KCNMA1: variants seen among roughly 807,000 people sequenced by gnomAD.
KCNMA1 encodes the protein potassium calcium-activated channel subfamily M alpha 1, also known as Calcium-activated potassium channel subunit alpha-1.
KCNMA1 carries 29 observed loss-of-function variants against 140.0 expected under a neutral mutation model. The observed-to-expected ratio is 0.21, with a 90% confidence interval of 0.15 to 0.28. The LOEUF (loss-of-function observed/expected upper bound fraction) is 0.28, where lower values mean the gene tolerates loss of function less well. KCNMA1 is among the 10% of genes least tolerant of loss of function. The pLI is 1.00. For missense variants in KCNMA1, 880 were observed against 1,602.2 expected (o/e 0.55, Z 7.70); for synonymous variants, 612 against 611.9 (o/e 1.00, Z 0.00).
chr10:77,452,554 A>AC (rs1180228248), intron 1 of KCNMA1, among the ~76,000 whole-genome samples: 3 of 152,240 alleles, frequency 2.0e-5, no homozygotes, highest in African/African-American at 7.2e-5. Context: ...GCGCAAAAAA[A>AC]GTCCTTTCAT....
intron 23 of KCNMA1, among the ~76,000 whole-genome samples, chr10:76,934,448 C>T (rs114273376): frequency 7.5e-4 from 115 of 152,332 alleles, no homozygotes; most frequent in African/African-American, 2.6e-3. Context: ...GGCATGTGTG[C>T]TATCTTCACA....
At chr10:77,067,798 T>C (rs1450164710) in intron 14 of KCNMA1, among the ~76,000 whole-genome samples, 1 of 152,208 alleles carries the variant, frequency 6.6e-6, no homozygotes, top group Non-Finnish European at 1.5e-5. Context: ...AATGGAGCTA[T>C]GCAAACATGT....
intron 9 of KCNMA1, 45 bp from the exon 10 acceptor site, chr10:77,090,555 G>A (rs2096788645): frequency 3.9e-6 from 5 of 1,280,472 alleles, no homozygotes; most frequent in Non-Finnish European, 5.7e-6. Context: ...ACCACGACAG[G>A]ACCCTGCATC....
At chr10:77,201,141 G>A (rs2042317852) in intron 3 of KCNMA1, among the ~76,000 whole-genome samples, 1 of 152,186 alleles carries the variant, frequency 6.6e-6, no homozygotes, top group Admixed American at 6.5e-5. Context: ...GAGGAAAGAT[G>A]CCATTTTCAG....
At chr10:77,211,750 A>T (rs2046143944) in intron 3 of KCNMA1, among the ~76,000 whole-genome samples, 1 of 152,210 alleles carries the variant, frequency 6.6e-6, no homozygotes, top group African/African-American at 2.4e-5. Flanking sequence ...ACTTAAAAAA[A>T]TTGACAAGCA....
At chr10:77,110,988 T>C (rs2097307566) in intron 7 of KCNMA1, among the ~76,000 whole-genome samples, 1 of 152,248 alleles carries the variant, frequency 6.6e-6, no homozygotes. Flanking sequence ...CAGCTTGCAC[T>C]GGCACAGCCC....
At chr10:77,465,038 G>A (rs2097959222) in intron 1 of KCNMA1, among the ~76,000 whole-genome samples, 1 of 152,170 alleles carries the variant, frequency 6.6e-6, no homozygotes, top group South Asian at 2.1e-4. Flanking sequence ...AAAAATAGAT[G>A]AGAGACTTAA....
chr10:77,368,135 G>A (rs1334285701), intron 2 of KCNMA1, among the ~76,000 whole-genome samples: 2 of 152,190 alleles, frequency 1.3e-5, no homozygotes, highest in African/African-American at 2.4e-5. Flanking sequence ...TTCCTGAATA[G>A]CAACATTGTT....
intron 1 of KCNMA1, among the ~76,000 whole-genome samples, chr10:77,554,006 A>T (rs866477722): frequency 2.0e-5 from 3 of 151,254 alleles, no homozygotes; most frequent in African/African-American, 7.3e-5. Context: ...AACAGATGAT[A>T]CTGTGGCTAC....
intron 19 of KCNMA1, among the ~76,000 whole-genome samples, chr10:76,986,224 A>G (rs1027970218): frequency 2.6e-5 from 4 of 152,242 alleles, no homozygotes; most frequent in African/African-American, 7.2e-5. Flanking sequence ...AACAACAACA[A>G]CAACAACAAA....
At chr10:77,408,486 G>A (rs745572395) in intron 1 of KCNMA1, among the ~76,000 whole-genome samples, 28 of 151,898 alleles carry the variant, frequency 1.8e-4, no homozygotes, top group Non-Finnish European at 2.9e-4. Flanking sequence ...GAGTGTGTAC[G>A]TGTGTGTGCA....
At chr10:77,322,564 A>G (rs1367795438) in intron 2 of KCNMA1, among the ~76,000 whole-genome samples, 1 of 152,220 alleles carries the variant, frequency 6.6e-6, no homozygotes. Context: ...CTCTGCGAAG[A>G]AAAGAGTGGA....
intron 1 of KCNMA1, among the ~76,000 whole-genome samples, chr10:77,423,522 G>A (rs959218002): frequency 1.3e-5 from 2 of 152,120 alleles, no homozygotes; most frequent in African/African-American, 2.4e-5. Context: ...CCTTAGGAAA[G>A]AGCCAAAAAG....
intron 18 of KCNMA1, among the ~76,000 whole-genome samples, chr10:77,008,404 T>C (rs558469348): frequency 1.1e-4 from 17 of 152,310 alleles, no homozygotes; most frequent in African/African-American, 3.9e-4. Flanking sequence ...AGGTTTGTTA[T>C]ATAGAAAAAG....
intron 2 of KCNMA1, among the ~76,000 whole-genome samples, chr10:77,392,549 C>A (rs1389416513): frequency 6.6e-6 from 1 of 152,252 alleles, no homozygotes; most frequent in Non-Finnish European, 1.5e-5. Context: ...ACCTTCAACA[C>A]TTTGGATGAC....
At position 77,259,506 on chromosome 10, in the gene KCNMA1, A is replaced by G. The variant is rs1271721153; in HGVS notation, c.541-8250T>C. On this transcript the variant is annotated intron_variant, in intron 2 of 27. Coordinates refer to ENST00000286628, the MANE Select transcript of KCNMA1 (RefSeq NM_001161352.2). ...AACTTTTGGTATGAAGAAAAAAAAA[A>G]TCCTTGACAGAGTCCACAAGGCCCT... Among the ~76,000 whole-genome samples, 7 of 152,108 alleles carry G rather than the reference A, an allele frequency of 4.6e-5. No homozygotes were observed. In the East Asian group the frequency reaches 1.3e-3, roughly 29 times the overall value.
intron 1 of KCNMA1, among the ~76,000 whole-genome samples, chr10:77,514,016 C>G (rs972920732): frequency 2.6e-5 from 4 of 152,264 alleles, no homozygotes; most frequent in Non-Finnish European, 4.4e-5. Flanking sequence ...ACTCCCAGTG[C>G]CAGCACAGAG....
chr10:77,067,129 A>C (rs527481236), intron 14 of KCNMA1, among the ~76,000 whole-genome samples: 65 of 152,322 alleles, frequency 4.3e-4, no homozygotes, highest in African/African-American at 1.5e-3. Context: ...GTGTTTCTGC[A>C]TGAGATTAAC....
At chr10:77,084,773 C>T (rs768561281) in intron 11 of KCNMA1, 54 bp from the exon 12 acceptor site, 47 of 1,251,516 alleles carry the variant, frequency 3.8e-5, no homozygotes, top group South Asian at 1.8e-4. Flanking sequence ...TAGCCATGCT[C>T]GAGTGTAGTC....
Sources: allele counts gnomAD v4.1 joint callset (sites outside exome capture counted in the v4.1 genomes callset), GRCh38; gene constraint gnomAD v4.1.1; transcripts MANE v1.5; gene names NCBI Gene and HGNC (gene_info 2026-07-23, HGNC 2026-07-21).